Variants in MYOM1 observed in about 807,000 individuals in gnomAD.
MYOM1 encodes myomesin-1.
In MYOM1, 164 loss-of-function variants were observed where a neutral mutation model predicts 205.3. The ratio of observed to expected loss-of-function variants is 0.80; its 90% CI spans 0.70 to 0.91. MYOM1 has a LOEUF of 0.91. MYOM1 is among the 40% of genes least tolerant of loss of function. The probability of loss-of-function intolerance (pLI) is 0.00; values close to 1 mark genes in which losing one functional copy is unlikely to be tolerated. For synonymous variants in MYOM1, 772 were observed against 789.4 expected (o/e 0.98, Z 0.37); for missense variants, 2,011 against 2,127.3 (o/e 0.95, Z 1.08).
chr18:3,186,276 C>T (rs2080807970), intron 5 of MYOM1, among the ~76,000 whole-genome samples: 1 of 151,960 alleles, frequency 6.6e-6, no homozygotes, highest in Admixed American at 6.5e-5. Context: ...GCTAGGCAGG[C>T]ATCTGATCAA....
intron 2 of MYOM1, among the ~76,000 whole-genome samples, chr18:3,210,802 G>T (rs1204260624): frequency 6.6e-6 from 1 of 152,176 alleles, no homozygotes; most frequent in Non-Finnish European, 1.5e-5. Flanking sequence ...GGGGACCTGG[G>T]TATGACGAGG....
intron 2 of MYOM1, among the ~76,000 whole-genome samples, chr18:3,210,264 C>T (rs1377314712): frequency 6.6e-6 from 1 of 152,216 alleles, no homozygotes; most frequent in Non-Finnish European, 1.5e-5. Context: ...GTTTGGTCGT[C>T]TCTATTTTTA....
At chr18:3,077,911 C>T (rs1457814824) in intron 34 of MYOM1, among the ~76,000 whole-genome samples, 1 of 152,074 alleles carries the variant, frequency 6.6e-6, no homozygotes, top group Middle Eastern at 3.4e-3. Context: ...TTCTAGTCGC[C>T]GTGAATGGGT....
In MYOM1 at chr18:3,148,844, CAAAAAAAAA is replaced by C. The variant is rs71159049; in HGVS notation, c.1900+292_1900+300del. ...CTGGGCGACAGAGCGAGACTCCATC[CAAAAAAAAA>C]AAAAAAAAAAAAAAAAAAAGAAAAT... On this transcript the variant is annotated intron_variant, in intron 13 of 37. Coordinates refer to ENST00000356443, the MANE Select transcript of MYOM1 (RefSeq NM_003803.4). Among the ~76,000 whole-genome samples the C allele has an allele frequency of 6.1e-3, 292 of 47,952 alleles. 1 individual carries two copies. Among genetic ancestry groups the C allele is most frequent in the African/African-American group, 0.015 (206 of 13,964 alleles). The allele number at this position is 47,952 out of a possible 152,430, so 31.5% of individuals were successfully genotyped here. A position where few individuals can be genotyped will look rare whatever the true frequency, so the allele number is the denominator to read the frequency against.
At chr18:3,180,147 T>G (rs1381509978) in intron 5 of MYOM1, among the ~76,000 whole-genome samples, 1 of 152,160 alleles carries the variant, frequency 6.6e-6, no homozygotes, top group Non-Finnish European at 1.5e-5. Context: ...AATGAATTTT[T>G]AAAAATAAAA....
chr18:3,241,471 G>T, the MYOM1 span, among the ~76,000 whole-genome samples: 2 of 152,230 alleles, frequency 1.3e-5, no homozygotes, highest in Admixed American at 6.5e-5. Context: ...GCAGTGCACA[G>T]AAGTCAAAAA....
chr18:3,072,580 C>T (rs1394073592), intron 36 of MYOM1, among the ~76,000 whole-genome samples: 4 of 151,732 alleles, frequency 2.6e-5, no homozygotes, highest in Admixed American at 6.6e-5. Flanking sequence ...TCTTGAGCTC[C>T]GGACCTCAAG....
At chr18:3,242,964 T>C in the MYOM1 span, among the ~76,000 whole-genome samples, 3 of 152,246 alleles carry the variant, frequency 2.0e-5, no homozygotes, top group Admixed American at 6.5e-5. Flanking sequence ...TGTATCTATT[T>C]AACTTATTTT....
intron 27 of MYOM1, among the ~76,000 whole-genome samples, chr18:3,090,197 A>C (rs2079203629): frequency 6.6e-6 from 1 of 151,570 alleles, no homozygotes; most frequent in Non-Finnish European, 1.5e-5. Flanking sequence ...ATACCATGTA[A>C]AGTATTAACT....
chr18:3,090,840 G>A, intron 26 of MYOM1, 38 bp from the exon 27 acceptor site: 6 of 1,610,482 alleles, frequency 3.7e-6, no homozygotes, highest in Non-Finnish European at 5.1e-6. Flanking sequence ...AAATCACTGA[G>A]GCATATATTT....
chr18:3,202,592 T>C (rs35644805), intron 2 of MYOM1, among the ~76,000 whole-genome samples: 27,638 of 152,120 alleles, frequency 0.18, 3,005 homozygotes, highest in East Asian at 0.31. Context: ...TATGATAAAA[T>C]GGTCAATTTC....
rs556356341 is a variant in MYOM1 at position 3,154,790 on chromosome 18, C to G, written c.1643+157G>C. Among the ~76,000 whole-genome samples the G allele has an allele frequency of 3.5e-4, 53 of 150,552 alleles. 1 individual carries two copies. In the South Asian group the frequency reaches 8.0e-3, roughly 23 times the overall value. ...AGAGAGCGAGAGACTGAGACAGAGA[C>G]AAATAGAGAAAAAGAAAGATGAAGA... On this transcript the variant is annotated intron_variant, in intron 11 of 37. Coordinates refer to ENST00000356443, the MANE Select transcript of MYOM1 (RefSeq NM_003803.4).
Position 3,164,451 on chromosome 18 carries a change from T to A in MYOM1, c.1340-12A>T. 1 of 1,574,684 alleles carries A rather than the reference T, an allele frequency of 6.4e-7. No individual in the cohort carries two copies. Among genetic ancestry groups the A allele is most frequent in the South Asian group, 1.2e-5 (1 of 83,762 alleles). ...AGAAAGAGGTACTCCTAGAAATATTTTAAAAGTAAGCAAATTAACTTATTT... is the reference window on the plus strand; with the variant it reads ...AGAAAGAGGTACTCCTAGAAATATTATAAAAGTAAGCAAATTAACTTATTT... On this transcript the variant is annotated splice_polypyrimidine_tract_variant and intron_variant, in intron 9 of 37. Coordinates refer to ENST00000356443, the MANE Select transcript of MYOM1 (RefSeq NM_003803.4).
intron 25 of MYOM1, among the ~76,000 whole-genome samples, chr18:3,095,342 G>T (rs977324371): frequency 6.6e-6 from 1 of 152,118 alleles, no homozygotes; most frequent in Non-Finnish European, 1.5e-5. Context: ...GCCGAGGGGG[G>T]CAAATCCCTT....
chr18:3,203,937 G>A (rs2081099183), intron 2 of MYOM1, among the ~76,000 whole-genome samples: 2 of 151,840 alleles, frequency 1.3e-5, no homozygotes, highest in Non-Finnish European at 2.9e-5. Context: ...CCCCAGAAAT[G>A]CAAGGTTGAT....
the MYOM1 span, among the ~76,000 whole-genome samples, chr18:3,240,340 CAT>C: frequency 3.9e-5 from 6 of 152,162 alleles, no homozygotes; most frequent in Admixed American, 6.5e-5. Context: ...TGAATTCCCA[CAT>C]GTTGTGGGAG....
chr18:3,195,954 T>G (rs2080986644), intron 2 of MYOM1, among the ~76,000 whole-genome samples: 1 of 152,210 alleles, frequency 6.6e-6, no homozygotes, highest in Non-Finnish European at 1.5e-5. Flanking sequence ...ATATTTCATT[T>G]GGAACAGAAG....
Position 3,135,937 on chromosome 18 carries a change from C to CTA in MYOM1, c.2026-208_2026-207insTA. On this transcript the variant is annotated intron_variant, in intron 14 of 37. Coordinates refer to ENST00000356443, the MANE Select transcript of MYOM1 (RefSeq NM_003803.4). The surrounding 1 kb of genome is among the most constrained non-coding windows in gnomAD (Gnocchi z 4.1). The stretch of plus-strand genomic sequence containing the variant: ...AAACTTGGCTTTTGATACGGTTTGG[C>CTA]TGTGTCCCTGCCCAAATCTCATCTA... 6.6e-6 allele frequency among the ~76,000 whole-genome samples: 1 copy of CTA among 152,276 alleles called. No individual in the cohort carries two copies. The highest frequency in any genetic ancestry group is 3.4e-3 in the Middle Eastern group (1 of 294).
At chr18:3,195,777 T>C (rs1273876505) in intron 2 of MYOM1, among the ~76,000 whole-genome samples, 8 of 152,208 alleles carry the variant, frequency 5.3e-5, no homozygotes, top group Non-Finnish European at 7.4e-5. Flanking sequence ...ATTCTTAAAA[T>C]AATGCATTTA....
Sources: allele counts gnomAD v4.1 joint callset (sites outside exome capture counted in the v4.1 genomes callset), GRCh38; gene constraint gnomAD v4.1.1; non-coding constraint Gnocchi (gnomAD v3.1); transcripts MANE v1.5; gene names NCBI Gene and HGNC (gene_info 2026-07-23, HGNC 2026-07-21).